The following SLC30A6 variants were observed in gnomAD, a reference collection of about 807,000 sequenced individuals.
The protein encoded by SLC30A6 is solute carrier family 30 member 6, also known as zinc transporter 6.
A neutral mutation model predicts 63.0 loss-of-function variants in SLC30A6; 55 were observed. The ratio of observed to expected loss-of-function variants is 0.87; its 90% CI spans 0.70 to 1.09. SLC30A6 has a LOEUF of 1.09. SLC30A6 is among the 50% of genes least tolerant of loss of function. The pLI is 0.00. For missense variants in SLC30A6, 587 were observed against 549.2 expected (o/e 1.07, Z -0.69); for synonymous variants, 224 against 186.1 (o/e 1.20, Z -1.66).
rs767338728 is a variant in SLC30A6, at chr2:32,192,907, A to G, written c.366-11A>G. 37 of 1,475,510 alleles carry G rather than the reference A, an allele frequency of 2.5e-5. No individual in the cohort carries two copies. Among genetic ancestry groups the G allele is most frequent in the Admixed American group, 8.4e-5 (4 of 47,434 alleles). 91.4% of individuals were successfully genotyped at this position (1,475,510 alleles called of 1,614,324 possible). A position where few individuals can be genotyped will look rare whatever the true frequency, so the allele number is the denominator to read the frequency against. ...TATAGGACTTATTTAATATATTTTT[A>G]TTTCTTATAGTGCAGAACGCTTTTT... On this transcript the variant is annotated splice_polypyrimidine_tract_variant and intron_variant, in intron 6 of 13. Transcript: ENST00000282587.
At chr2:32,201,562 T>C in intron 10 of SLC30A6, 1 of 1,213,768 alleles carries the variant, frequency 8.2e-7, no homozygotes, top group South Asian at 1.5e-5. Flanking sequence ...TAGGTGGTTG[T>C]GGCCACTGTG....
chr2:32,191,041 C>T (rs1006178966), intron 5 of SLC30A6, among the ~76,000 whole-genome samples: 4 of 152,182 alleles, frequency 2.6e-5, no homozygotes, highest in Admixed American at 2.0e-4. Context: ...TAGTACTGCA[C>T]TATGTCAATT....
At position 32,204,686 on chromosome 2, in the gene SLC30A6, ACT is replaced by A. The variant is rs1558414223; in HGVS notation, c.764_765del (p.Leu255ProfsTer30). On this transcript the variant is annotated frameshift_variant, in exon 11 of 14. Transcript: ENST00000282587. LOFTEE classifies it high-confidence loss of function. ...PMSVYSGKVL[L>X]QTTPPHVIGQ... ...TGAGTGTGTACAGTGGGAAAGTCTT[ACT>A]CCAGGTAAGGTGCTTCTTCCAATGC... The A allele has an allele frequency of 6.3e-7, 1 of 1,596,856 alleles. No homozygotes were observed. Among genetic ancestry groups the A allele is most frequent in the Admixed American group, 1.7e-5 (1 of 59,832 alleles).
Position 32,209,389 on chromosome 2 carries a change from T to C in SLC30A6, c.817-104T>C, listed in dbSNP as rs111586639. 1.1e-5 allele frequency: 9 copies of C among 807,372 alleles called. No homozygotes were observed. In the African/African-American group the frequency reaches 1.4e-4, roughly 13 times the overall value. 50.0% of individuals were successfully genotyped at this position (807,372 alleles called of 1,614,324 possible). ...AGCTAATGAGTGTCCTTGTGCAGGA[T>C]TTGGCTGTCATTCTTAAGTTTAAAC... is the stretch of plus-strand genomic sequence containing the variant. On this transcript the variant is annotated intron_variant, in intron 12 of 13. Coordinates refer to ENST00000282587, the MANE Select transcript of SLC30A6 (RefSeq NM_017964.5).
At chr2:32,174,036 A>G (rs1681476410) in intron 2 of SLC30A6, 27 bp from the exon 3 acceptor site, 2 of 1,567,882 alleles carry the variant, frequency 1.3e-6, no homozygotes, top group African/African-American at 2.7e-5. Flanking sequence ...ACTTCTGTAC[A>G]CATAAGAGTG....
chr2:32,170,087 A>G (rs1229647404), intron 1 of SLC30A6, among the ~76,000 whole-genome samples: 4 of 152,112 alleles, frequency 2.6e-5, no homozygotes, highest in Non-Finnish European at 5.9e-5. Flanking sequence ...TTCGCCCATG[A>G]AATTATATAG....
At chr2:32,216,786 G>A (rs1378618784) in intron 13 of SLC30A6, among the ~76,000 whole-genome samples, 1 of 151,484 alleles carries the variant, frequency 6.6e-6, no homozygotes, top group South Asian at 2.1e-4. Flanking sequence ...TTTAAGTTCT[G>A]TATAGATTCT....
intron 4 of SLC30A6, among the ~76,000 whole-genome samples, chr2:32,176,737 T>A (rs986597362): frequency 6.6e-6 from 1 of 152,082 alleles, no homozygotes; most frequent in East Asian, 1.9e-4. Context: ...CATAGAGTTG[T>A]GCATTCATCA....
chr2:32,180,774 A>C (rs887738879), intron 4 of SLC30A6, among the ~76,000 whole-genome samples: 22 of 152,230 alleles, frequency 1.4e-4, no homozygotes, highest in African/African-American at 5.3e-4. Flanking sequence ...AATAGTTACT[A>C]ATGTTACCAA....
chr2:32,193,010 T>A (rs970674891), intron 7 of SLC30A6, 57 bp downstream of exon 7: 1 of 1,135,036 alleles, frequency 8.8e-7, no homozygotes. Context: ...TTAATTGATG[T>A]ATTATTAAAC....
At chr2:32,180,621 T>A (rs914862827) in intron 4 of SLC30A6, among the ~76,000 whole-genome samples, 1 of 151,802 alleles carries the variant, frequency 6.6e-6, no homozygotes, top group Non-Finnish European at 1.5e-5. Context: ...TTAGTGGAGA[T>A]GGGGTTTCAC....
chr2:32,192,606 GC>G (rs1425463427), intron 6 of SLC30A6, among the ~76,000 whole-genome samples, 190 bp downstream of exon 6: 2 of 151,950 alleles, frequency 1.3e-5, no homozygotes, highest in African/African-American at 4.8e-5. Flanking sequence ...CTTCCTTAAT[GC>G]TACTAAATTG....
At chr2:32,212,416 C>T (rs572361117) in intron 13 of SLC30A6, among the ~76,000 whole-genome samples, 1 of 151,960 alleles carries the variant, frequency 6.6e-6, no homozygotes, top group South Asian at 2.1e-4. Context: ...ACCCTCTCTT[C>T]TTTTCTGTTG....
intron 4 of SLC30A6, 150 bp downstream of exon 4, chr2:32,175,511 G>A: frequency 3.0e-6 from 2 of 665,490 alleles, no homozygotes; most frequent in Non-Finnish European, 2.5e-6. Flanking sequence ...CAGTCATAAA[G>A]GACCACATAT....
intron 13 of SLC30A6, among the ~76,000 whole-genome samples, chr2:32,216,058 C>A (rs1685677170): frequency 6.6e-6 from 1 of 152,118 alleles, no homozygotes; most frequent in Non-Finnish European, 1.5e-5. Context: ...AGATTATTTT[C>A]TTTTGGATAT....
intron 12 of SLC30A6, among the ~76,000 whole-genome samples, chr2:32,209,264 T>C (rs1182482036): frequency 6.6e-6 from 1 of 152,202 alleles, no homozygotes; most frequent in Non-Finnish European, 1.5e-5. Context: ...GGGGACCTGA[T>C]TCTAAAAGAA....
chr2:32,190,562 T>C (rs1683239335), intron 5 of SLC30A6, among the ~76,000 whole-genome samples: 5 of 152,230 alleles, frequency 3.3e-5, no homozygotes, highest in Admixed American at 2.6e-4. Context: ...AAAGACACTT[T>C]GTTCTGTTAT....
At chr2:32,168,930 T>C (rs1221375235) in intron 1 of SLC30A6, among the ~76,000 whole-genome samples, 1 of 152,204 alleles carries the variant, frequency 6.6e-6, no homozygotes, top group Non-Finnish European at 1.5e-5. Flanking sequence ...ATTTTTGTTT[T>C]ATTTTCATTG....
At chr2:32,218,535 G>GTTTTA (rs2148915584) in intron 13 of SLC30A6, among the ~76,000 whole-genome samples, 1 of 143,214 alleles carries the variant, frequency 7.0e-6, no homozygotes, top group South Asian at 2.4e-4. Context: ...GTTTTGTTTT[G>GTTTTA]TTTTGTTTTG....
Sources: gnomAD v4.1 joint callset for allele counts (sites outside exome capture counted in the v4.1 genomes callset) on GRCh38, gnomAD v4.1.1 for gene constraint, MANE v1.5 for transcripts, NCBI Gene and HGNC (gene_info 2026-07-23, HGNC 2026-07-21) for gene names.